DRC11: variants seen among roughly 807,000 people sequenced by gnomAD.
The protein encoded by DRC11 is dynein regulatory complex subunit 11, also known as IQ and AAA domain-containing protein 1.
At chr2:236,426,744 T>C in the DRC11 span, among the ~76,000 whole-genome samples, 8 of 152,092 alleles carry the variant, frequency 5.3e-5, no homozygotes, top group Non-Finnish European at 1.2e-4. The surrounding 1 kb of genome is among the most constrained non-coding windows in gnomAD (Gnocchi z 4.1). Context: ...AGACAGGAAA[T>C]TTCACTTCTT....
At chr2:236,323,772 G>A in the DRC11 span, among the ~76,000 whole-genome samples, 2 of 152,192 alleles carry the variant, frequency 1.3e-5, no homozygotes, top group Non-Finnish European at 2.9e-5. This position sits in a 1 kb window ranked among gnomAD's most constrained non-coding sequence, Gnocchi z 6.4. Flanking sequence ...TACTTCCTCT[G>A]ACTGTGTTCT....
the DRC11 span, among the ~76,000 whole-genome samples, chr2:236,326,586 A>G: frequency 1.3e-5 from 2 of 149,070 alleles, no homozygotes; most frequent in East Asian, 3.9e-4. Flanking sequence ...TTAGCTTCTG[A>G]CTCTCTAAGC....
At chr2:236,406,250 C>T in the DRC11 span, among the ~76,000 whole-genome samples, 3 of 152,198 alleles carry the variant, frequency 2.0e-5, no homozygotes, top group East Asian at 3.9e-4. This position sits in a 1 kb window ranked among gnomAD's most constrained non-coding sequence, Gnocchi z 4.7. Context: ...ATAAACCGTG[C>T]GCCTTCTTCT....
chr2:236,389,433 C>T, the DRC11 span, among the ~76,000 whole-genome samples: 26 of 152,240 alleles, frequency 1.7e-4, no homozygotes, highest in Non-Finnish European at 2.2e-4. Flanking sequence ...TTCCAGGTGC[C>T]GTCCGTCACC....
At chr2:236,408,364 G>T in the DRC11 span, 1 of 758,354 alleles carries the variant, frequency 1.3e-6, no homozygotes. This position sits in a 1 kb window ranked among gnomAD's most constrained non-coding sequence, Gnocchi z 5.5. Flanking sequence ...TAGCTTCTTG[G>T]TGTGTCAATG....
the DRC11 span, among the ~76,000 whole-genome samples, chr2:236,386,344 G>A: frequency 6.6e-6 from 1 of 152,148 alleles, no homozygotes; most frequent in South Asian, 2.1e-4. Flanking sequence ...TTCAGCTCCT[G>A]TTATTGGTCT....
At chr2:236,311,724 G>A in the DRC11 span, among the ~76,000 whole-genome samples, 1 of 151,910 alleles carries the variant, frequency 6.6e-6, no homozygotes, top group African/African-American at 2.4e-5. This position sits in a 1 kb window ranked among gnomAD's most constrained non-coding sequence, Gnocchi z 6.9. Context: ...GTGTGTGTGT[G>A]TGTGTGTGTG....
At chr2:236,421,644 G>A in the DRC11 span, among the ~76,000 whole-genome samples, 1 of 152,126 alleles carries the variant, frequency 6.6e-6, no homozygotes, top group African/African-American at 2.4e-5. Context: ...AGGAGGAGCT[G>A]GTACCATTCC....
the DRC11 span, among the ~76,000 whole-genome samples, chr2:236,441,767 A>C: frequency 6.6e-6 from 1 of 152,206 alleles, no homozygotes; most frequent in Non-Finnish European, 1.5e-5. Context: ...AGTTCCATTA[A>C]TTCACAGAAG....
the DRC11 span, among the ~76,000 whole-genome samples, chr2:236,394,789 T>C: frequency 6.6e-6 from 1 of 151,078 alleles, no homozygotes; most frequent in African/African-American, 2.4e-5. The surrounding 1 kb of genome is among the most constrained non-coding windows in gnomAD (Gnocchi z 7.0). Context: ...GCGGGGTGGG[T>C]GGTGGGGGTT....
At chr2:236,497,165 G>A in the DRC11 span, 5 of 1,604,612 alleles carry the variant, frequency 3.1e-6, no homozygotes, top group African/African-American at 4.0e-5. This position sits in a 1 kb window ranked among gnomAD's most constrained non-coding sequence, Gnocchi z 5.1. Flanking sequence ...GTGCTTACGG[G>A]GGCCAGCTTG....
the DRC11 span, among the ~76,000 whole-genome samples, chr2:236,462,813 T>G: frequency 6.6e-6 from 1 of 152,180 alleles, no homozygotes; most frequent in Non-Finnish European, 1.5e-5. This position sits in a 1 kb window ranked among gnomAD's most constrained non-coding sequence, Gnocchi z 6.4. Flanking sequence ...GCAAGATTCT[T>G]GAAAGAGAGA....
the DRC11 span, among the ~76,000 whole-genome samples, chr2:236,326,784 C>T: frequency 6.9e-6 from 1 of 143,958 alleles, no homozygotes; most frequent in Non-Finnish European, 1.5e-5. Flanking sequence ...TTTTGATTTT[C>T]AGATTTGTTG....
the DRC11 span, among the ~76,000 whole-genome samples, chr2:236,491,159 G>GTATATATATATATATACACAGTA: frequency 2.5e-5 from 1 of 40,346 alleles, no homozygotes; most frequent in African/African-American, 1.5e-4. Context: ...TATACACACA[G>GTATATATATATATATACACAGTA]TATATATATA....
the DRC11 span, among the ~76,000 whole-genome samples, chr2:236,321,853 G>GTACCCA: frequency 2.6e-5 from 4 of 152,276 alleles, no homozygotes; most frequent in African/African-American, 9.6e-5. Flanking sequence ...CAGAGGGTGG[G>GTACCCA]GGGGAAGTCT....
the DRC11 span, among the ~76,000 whole-genome samples, chr2:236,329,863 A>G: frequency 6.6e-6 from 1 of 152,216 alleles, no homozygotes; most frequent in Non-Finnish European, 1.5e-5. Flanking sequence ...ATGCATTCTC[A>G]TCCCGGGTCA....
chr2:236,344,206 A>AT, the DRC11 span, among the ~76,000 whole-genome samples: 5 of 152,192 alleles, frequency 3.3e-5, no homozygotes, highest in African/African-American at 1.2e-4. Flanking sequence ...GCCTTTTGCT[A>AT]TTTATTATGA....
chr2:236,368,034 T>C, the DRC11 span: 1 of 661,432 alleles, frequency 1.5e-6, no homozygotes, highest in South Asian at 1.7e-5. Flanking sequence ...TGTGTGCTGG[T>C]GGGTGCACTA....
At chr2:236,435,435 C>A in the DRC11 span, among the ~76,000 whole-genome samples, 7 of 152,266 alleles carry the variant, frequency 4.6e-5, no homozygotes, top group Admixed American at 4.6e-4. Flanking sequence ...TTCTCTGATG[C>A]CGGTATTAGT....
Sources: gnomAD v4.1 joint callset for allele counts (sites outside exome capture counted in the v4.1 genomes callset) on GRCh38, gnomAD v4.1.1 for gene constraint, Gnocchi (gnomAD v3.1) non-coding constraint, MANE v1.5 for transcripts, NCBI Gene and HGNC (gene_info 2026-07-23, HGNC 2026-07-21) for gene names.